Variants in ZC2HC1A observed in about 807,000 individuals in gnomAD.
ZC2HC1A encodes zinc finger C2HC domain-containing protein 1A.
ZC2HC1A carries 28 observed loss-of-function variants against 40.7 expected under a neutral mutation model. That is an observed-to-expected ratio of 0.69 (90% CI 0.51 to 0.94). ZC2HC1A has a LOEUF of 0.94. Among genes scored for constraint, ZC2HC1A ranks in the 40% least tolerant of loss-of-function variants. ZC2HC1A has a pLI of 0.00. For synonymous variants in ZC2HC1A, 129 were observed against 129.2 expected, an observed-to-expected ratio of 1.00 and a Z score of 0.01; for missense variants, 389 against 386.3, an observed-to-expected ratio of 1.01 and a Z score of -0.06.
chr8:78,672,651 T>G (rs1809468081), intron 1 of ZC2HC1A, among the ~76,000 whole-genome samples: 1 of 152,194 alleles, frequency 6.6e-6, no homozygotes, highest in South Asian at 2.1e-4. Flanking sequence ...TTGATTTGGT[T>G]AAAATAATTA....
chr8:78,702,936 G>A (rs891327801), intron 7 of ZC2HC1A, among the ~76,000 whole-genome samples: 12 of 151,884 alleles, frequency 7.9e-5, no homozygotes, highest in African/African-American at 1.7e-4. Context: ...TCACTCTGTC[G>A]CCCAGGCTAT....
chr8:78,707,797 T>C (rs934620381), intron 7 of ZC2HC1A, among the ~76,000 whole-genome samples: 1 of 152,146 alleles, frequency 6.6e-6, no homozygotes, highest in African/African-American at 2.4e-5. Context: ...TGTTACTGTA[T>C]TAAATTAGAA....
At chr8:78,667,616 A>G (rs978963317) in intron 1 of ZC2HC1A, among the ~76,000 whole-genome samples, 2 of 152,188 alleles carry the variant, frequency 1.3e-5, no homozygotes, top group African/African-American at 4.8e-5. Flanking sequence ...ACCTAAAACA[A>G]TGTCTGACAC....
chr8:78,704,753 C>A (rs1172685388), intron 7 of ZC2HC1A, among the ~76,000 whole-genome samples: 1 of 152,128 alleles, frequency 6.6e-6, no homozygotes, highest in Admixed American at 6.5e-5. Context: ...TAGATTTGGT[C>A]TTTTTATATA....
chr8:78,676,932 A>G (rs1006757139), intron 2 of ZC2HC1A, among the ~76,000 whole-genome samples: 4 of 152,068 alleles, frequency 2.6e-5, no homozygotes, highest in Non-Finnish European at 2.9e-5. Flanking sequence ...CTTGACATAT[A>G]TAACTTAATA....
chr8:78,669,026 A>G (rs894131299), intron 1 of ZC2HC1A, among the ~76,000 whole-genome samples: 2 of 152,108 alleles, frequency 1.3e-5, no homozygotes. Context: ...TAGAAGACTG[A>G]TTGCTCTTCA....
intron 1 of ZC2HC1A, among the ~76,000 whole-genome samples, chr8:78,673,128 A>C (rs950561392): frequency 2.0e-5 from 3 of 152,086 alleles, no homozygotes; most frequent in East Asian, 1.9e-4. Flanking sequence ...ATGTGTTCTC[A>C]TTGTTCAGCT....
intron 7 of ZC2HC1A, among the ~76,000 whole-genome samples, chr8:78,705,474 C>T (rs1310176057): frequency 6.6e-6 from 1 of 152,144 alleles, no homozygotes; most frequent in Non-Finnish European, 1.5e-5. Context: ...TTAGGGATGC[C>T]TCAAACCTCT....
At chr8:78,678,098 C>G (rs1809641511) in intron 2 of ZC2HC1A, among the ~76,000 whole-genome samples, 1 of 152,118 alleles carries the variant, frequency 6.6e-6, no homozygotes, top group East Asian at 1.9e-4. Flanking sequence ...CCTGGCTTCT[C>G]TAGTGCAACC....
chr8:78,677,690 T>A (rs1411977212), intron 2 of ZC2HC1A, among the ~76,000 whole-genome samples: 1 of 152,164 alleles, frequency 6.6e-6, no homozygotes, highest in Non-Finnish European at 1.5e-5. Flanking sequence ...TGTTACTTTT[T>A]CTTATTCTTA....
chr8:78,676,138 A>C lies in ZC2HC1A; in HGVS notation c.93+275A>C, dbSNP rs78656367. On this transcript the variant is annotated intron_variant, in intron 2 of 8. Coordinates refer to ENST00000263849, the MANE Select transcript of ZC2HC1A (RefSeq NM_016010.3). ...AAACAAACAAAATAAAAAAAAAAAA[A>C]CAAAATCAGATACCTTAGAAATAAG... The C allele has an allele frequency of 2.3e-4, 57 of 249,808 alleles. 1 individual carries two copies. In the East Asian group the frequency reaches 3.9e-3, roughly 17 times the overall value. The allele number at this position is 249,808 out of a possible 1,614,324, so 15.5% of individuals were successfully genotyped here.
At chr8:78,674,430 TC>T (rs1809517002) in intron 1 of ZC2HC1A, among the ~76,000 whole-genome samples, 1 of 152,214 alleles carries the variant, frequency 6.6e-6, no homozygotes, top group Non-Finnish European at 1.5e-5. Context: ...ACTGAGACCA[TC>T]ATTTTGAAGA....
intron 5 of ZC2HC1A, among the ~76,000 whole-genome samples, chr8:78,694,629 T>G (rs1810339189): frequency 6.6e-6 from 1 of 152,214 alleles, no homozygotes; most frequent in Non-Finnish European, 1.5e-5. Flanking sequence ...TGATTTTTTA[T>G]TCTTTCCTGA....
At chr8:78,672,977 C>T (rs891911475) in intron 1 of ZC2HC1A, among the ~76,000 whole-genome samples, 4 of 151,874 alleles carry the variant, frequency 2.6e-5, no homozygotes, top group Middle Eastern at 3.2e-3. Context: ...ATACATGTGC[C>T]ATGGTGGTTT....
intron 7 of ZC2HC1A, among the ~76,000 whole-genome samples, chr8:78,702,411 A>G (rs777990163): frequency 3.9e-5 from 6 of 152,122 alleles, no homozygotes; most frequent in Non-Finnish European, 5.9e-5. Context: ...ATTTTTTAAA[A>G]AGCAGCTCCT....
chr8:78,679,564 A>G (rs1367022042), intron 3 of ZC2HC1A, among the ~76,000 whole-genome samples: 1 of 152,182 alleles, frequency 6.6e-6, no homozygotes, highest in African/African-American at 2.4e-5. Flanking sequence ...AGCCATGAAT[A>G]TGGAACCCAT....
chr8:78,700,513 C>T (rs1169824803), intron 7 of ZC2HC1A, among the ~76,000 whole-genome samples: 1 of 152,036 alleles, frequency 6.6e-6, no homozygotes, highest in Non-Finnish European at 1.5e-5. Flanking sequence ...AGTTTAATTA[C>T]AGCCCATTTG....
chr8:78,670,108 C>G (rs763170281), intron 1 of ZC2HC1A, among the ~76,000 whole-genome samples: 11 of 151,880 alleles, frequency 7.2e-5, no homozygotes, highest in Non-Finnish European at 1.3e-4. Context: ...GCTGGGATTA[C>G]AGGCATGTGC....
intron 7 of ZC2HC1A, among the ~76,000 whole-genome samples, chr8:78,704,102 C>A (rs1245765158): frequency 2.0e-5 from 3 of 152,030 alleles, no homozygotes; most frequent in Admixed American, 6.6e-5. Context: ...AGAATGTTAG[C>A]CAGGTGTGGT....
Sources: allele counts gnomAD v4.1 joint callset (sites outside exome capture counted in the v4.1 genomes callset), GRCh38; gene constraint gnomAD v4.1.1; transcripts MANE v1.5; gene names NCBI Gene and HGNC (gene_info 2026-07-23, HGNC 2026-07-21).